PARD3B: variants seen among roughly 807,000 people sequenced by gnomAD.
PARD3B encodes the protein partitioning defective 3 homolog B.
PARD3B carries 103 observed loss-of-function variants against 130.2 expected under a neutral mutation model. The observed-to-expected ratio is 0.79, with a 90% CI of 0.67 to 0.93. The LOEUF is 0.93. PARD3B is among the 40% of genes least tolerant of loss of function. The pLI is 0.00. For missense variants in PARD3B, 1,609 were observed against 1,499.2 expected, an observed-to-expected ratio of 1.07 and a Z score of -1.21; for synonymous variants, 583 against 553.2, an observed-to-expected ratio of 1.05 and a Z score of -0.76.
At chr2:205,149,242 A>C (rs1224081174) in intron 10 of PARD3B, among the ~76,000 whole-genome samples, 2 of 152,088 alleles carry the variant, frequency 1.3e-5, no homozygotes, top group African/African-American at 4.8e-5. Flanking sequence ...CTGACCAGGT[A>C]GACTCTTCAG....
intron 20 of PARD3B, among the ~76,000 whole-genome samples, chr2:205,451,653 A>G (rs945866480): frequency 6.6e-6 from 1 of 150,802 alleles, no homozygotes; most frequent in African/African-American, 2.4e-5. Flanking sequence ...CTTGTTTTAC[A>G]TTTTTTATTT....
Position 204,545,826 on chromosome 2 carries a change from G to T in PARD3B, c.-174G>T, listed in dbSNP as rs1287620021. On this transcript the variant is annotated 5_prime_UTR_variant, in exon 1 of 23. Transcript: ENST00000406610. Reference sequence around the variant, plus strand: ...CCCTCCCCGATTCCCGCCACCTGCCGCCTGGCCAGGTGGAAGGGGCGCTGC... The same window carrying T: ...CCCTCCCCGATTCCCGCCACCTGCCTCCTGGCCAGGTGGAAGGGGCGCTGC... 1.4e-5 allele frequency: 9 copies of T among 636,498 alleles called. No individual in the cohort carries two copies. The highest frequency in any genetic ancestry group is 1.9e-5 in the African/African-American group (1 of 51,364). The allele number at this position is 636,498 out of a possible 1,614,324, so 39.4% of individuals were successfully genotyped here. A position where few individuals can be genotyped will look rare whatever the true frequency, so the allele number is the denominator to read the frequency against.
intron 3 of PARD3B, among the ~76,000 whole-genome samples, chr2:205,031,749 A>G (rs1023583577): frequency 6.6e-6 from 1 of 152,196 alleles, no homozygotes; most frequent in African/African-American, 2.4e-5. Flanking sequence ...CATAGGCTAG[A>G]TCAAAAAGGT....
chr2:204,794,980 AAGTT>A lies in PARD3B; in HGVS notation c.222+108704_222+108707del, dbSNP rs776959418. Among the ~76,000 whole-genome samples the A allele has an allele frequency of 9.9e-4, 150 of 152,178 alleles. 2 individuals carry two copies. The highest frequency in any genetic ancestry group is 1.7e-3 in the Non-Finnish European group (114 of 68,034). On this transcript the variant is annotated intron_variant, in intron 2 of 22. Coordinates refer to ENST00000406610, the MANE Select transcript of PARD3B (RefSeq NM_001302769.2). Reference sequence around the variant, plus strand: ...TTGAGAATATTCTTGTTTCTGCATAAAGTTAGTTAAAGATTGGTGTCATTGTCCC... The same window carrying A: ...TTGAGAATATTCTTGTTTCTGCATAAAGTTAAAGATTGGTGTCATTGTCCC...
At chr2:204,745,941 G>A (rs888487543) in intron 2 of PARD3B, among the ~76,000 whole-genome samples, 10 of 151,164 alleles carry the variant, frequency 6.6e-5, no homozygotes, top group South Asian at 2.1e-4. Flanking sequence ...AAAAAAGGGC[G>A]TAAAACGAAC....
intron 1 of PARD3B, among the ~76,000 whole-genome samples, chr2:204,648,330 A>G (rs2035343522): frequency 1.3e-5 from 2 of 151,086 alleles, no homozygotes; most frequent in African/African-American, 2.4e-5. Flanking sequence ...TAAAATATGT[A>G]TATACTTTCA....
chr2:204,704,078 G>A (rs1182943843), intron 2 of PARD3B, among the ~76,000 whole-genome samples: 2 of 152,070 alleles, frequency 1.3e-5, no homozygotes, highest in Non-Finnish European at 1.5e-5. Context: ...AGGAAAATTT[G>A]TATTGTGCTA....
At chr2:204,838,052 TA>T (rs1432581493) in intron 2 of PARD3B, among the ~76,000 whole-genome samples, 5 of 138,710 alleles carry the variant, frequency 3.6e-5, no homozygotes, top group Non-Finnish European at 8.4e-5. Context: ...CATACACAGG[TA>T]AAATAAGTGC....
intron 20 of PARD3B, among the ~76,000 whole-genome samples, chr2:205,499,240 A>G (rs1291010837): frequency 6.6e-6 from 1 of 152,142 alleles, no homozygotes; most frequent in Non-Finnish European, 1.5e-5. Flanking sequence ...ATAATTCATA[A>G]GAGGAAATAC....
At chr2:205,104,600 G>A in intron 5 of PARD3B, 86 bp downstream of exon 5, 1 of 931,408 alleles carries the variant, frequency 1.1e-6, no homozygotes, top group South Asian at 1.5e-5. Flanking sequence ...TACTTTACAA[G>A]AAAGATCAGG....
intron 2 of PARD3B, among the ~76,000 whole-genome samples, chr2:204,861,962 A>G (rs2045226874): frequency 6.7e-6 from 1 of 149,512 alleles, no homozygotes; most frequent in South Asian, 2.1e-4. Flanking sequence ...GAAATGGCTG[A>G]AAGTTTTGTC....
chr2:204,782,424 G>A (rs1026498723), intron 2 of PARD3B, among the ~76,000 whole-genome samples: 1 of 150,932 alleles, frequency 6.6e-6, no homozygotes, highest in African/African-American at 2.4e-5. Flanking sequence ...TGTATTGTGT[G>A]TAATATAGAC....
chr2:204,631,343 G>A (rs559915728), intron 1 of PARD3B, among the ~76,000 whole-genome samples: 2 of 151,646 alleles, frequency 1.3e-5, no homozygotes, highest in Admixed American at 6.6e-5. Flanking sequence ...TCTGCCTCTC[G>A]GGTTCAAGCA....
intron 18 of PARD3B, among the ~76,000 whole-genome samples, chr2:205,357,608 T>A (rs1057026539): frequency 6.6e-6 from 1 of 152,032 alleles, no homozygotes; most frequent in African/African-American, 2.4e-5. Context: ...TCTGAAGTTT[T>A]GGAACGAAAG....
intron 4 of PARD3B, among the ~76,000 whole-genome samples, chr2:205,080,150 G>A (rs181063799): frequency 2.0e-5 from 3 of 152,266 alleles, no homozygotes; most frequent in Admixed American, 2.0e-4. Flanking sequence ...CCTGATCACA[G>A]TTGCTGTTTT....
intron 2 of PARD3B, among the ~76,000 whole-genome samples, chr2:204,712,312 A>G (rs964440738): frequency 6.6e-6 from 1 of 152,126 alleles, no homozygotes; most frequent in Non-Finnish European, 1.5e-5. Context: ...AGACATTCTG[A>G]CATTGTTAAA....
At chr2:204,738,946 G>A (rs1052093990) in intron 2 of PARD3B, among the ~76,000 whole-genome samples, 12 of 152,176 alleles carry the variant, frequency 7.9e-5, no homozygotes, top group Non-Finnish European at 1.8e-4. Flanking sequence ...CAGGGATGAT[G>A]TCTCATCATA....
At chr2:204,911,673 T>C (rs1424136838) in intron 2 of PARD3B, among the ~76,000 whole-genome samples, 1 of 152,222 alleles carries the variant, frequency 6.6e-6, no homozygotes, top group Admixed American at 6.5e-5. Context: ...TTAGGGCATA[T>C]GTGACTGTTT....
chr2:205,102,044 A>G (rs1363108602), intron 4 of PARD3B, among the ~76,000 whole-genome samples: 1 of 152,166 alleles, frequency 6.6e-6, no homozygotes, highest in Non-Finnish European at 1.5e-5. Flanking sequence ...AGCTGTTGTA[A>G]GAAATAAAAA....
Sources: allele counts gnomAD v4.1 joint callset (sites outside exome capture counted in the v4.1 genomes callset), GRCh38; gene constraint gnomAD v4.1.1; transcripts MANE v1.5; gene names NCBI Gene and HGNC (gene_info 2026-07-23, HGNC 2026-07-21).